RNLS: variants seen among roughly 807,000 people sequenced by gnomAD.
RNLS encodes the protein renalase, FAD dependent amine oxidase, also known as renalase.
RNLS carries 39 observed loss-of-function variants against 39.8 expected under a neutral mutation model. That is an observed-to-expected ratio of 0.98 (90% CI 0.76 to 1.28). The LOEUF (loss-of-function observed/expected upper bound fraction) is 1.28. Among genes scored for constraint, RNLS ranks in the 50% most tolerant of loss-of-function variants. The pLI is 0.00. For synonymous variants in RNLS, 147 were observed against 150.7 expected (o/e 0.98, Z 0.18); for missense variants, 410 against 413.3 (o/e 0.99, Z 0.07).
chr10:88,528,463 G>A (rs1173802067), intron 4 of RNLS, among the ~76,000 whole-genome samples: 1 of 152,148 alleles, frequency 6.6e-6, no homozygotes, highest in Non-Finnish European at 1.5e-5. Context: ...ACAACATAGG[G>A]AAGAGGTGAT....
chr10:88,375,575 G>GAAACA (rs1564744488), intron 4 of RNLS, among the ~76,000 whole-genome samples: 1 of 152,126 alleles, frequency 6.6e-6, no homozygotes, highest in Non-Finnish European at 1.5e-5. Flanking sequence ...TTCCTAATTG[G>GAAACA]AAACAATCAG....
chr10:88,529,939 T>C (rs1847319766), intron 4 of RNLS, among the ~76,000 whole-genome samples: 1 of 152,230 alleles, frequency 6.6e-6, no homozygotes, highest in African/African-American at 2.4e-5. Context: ...GTTTTTCCAA[T>C]ACTTTTACTA....
At chr10:88,240,306 ACT>A in the RNLS span, among the ~76,000 whole-genome samples, 1 of 151,868 alleles carries the variant, frequency 6.6e-6, no homozygotes, top group Admixed American at 6.6e-5. Context: ...TCAAGTAGTG[ACT>A]CTGCCTGGCG....
At chr10:88,385,697 G>A (rs1416569808) in intron 4 of RNLS, among the ~76,000 whole-genome samples, 2 of 152,186 alleles carry the variant, frequency 1.3e-5, no homozygotes, top group South Asian at 2.1e-4. Context: ...TGGGAAAACC[G>A]TGGCAGCCTG....
the RNLS span, among the ~76,000 whole-genome samples, chr10:88,186,993 C>A: frequency 6.6e-5 from 10 of 151,222 alleles, no homozygotes; most frequent in Non-Finnish European, 1.5e-4. Context: ...AAGAACAAAA[C>A]CCTGTTACAA....
At chr10:88,173,856 G>T in the RNLS span, among the ~76,000 whole-genome samples, 6 of 152,034 alleles carry the variant, frequency 3.9e-5, no homozygotes, top group Admixed American at 6.6e-5. Flanking sequence ...ACATGAATAA[G>T]TTCCTTAGTG....
chr10:88,432,587 T>G (rs952513007), intron 4 of RNLS, among the ~76,000 whole-genome samples: 1 of 152,014 alleles, frequency 6.6e-6, no homozygotes, highest in Non-Finnish European at 1.5e-5. Context: ...CAAGTATTTT[T>G]TATGACTCCT....
intron 4 of RNLS, among the ~76,000 whole-genome samples, chr10:88,558,257 C>CA (rs774149414): frequency 4.8e-4 from 73 of 152,246 alleles, no homozygotes; most frequent in Non-Finnish European, 9.0e-4. Context: ...TTGGTTCTAC[C>CA]ACTCAACAGC....
rs78325858 is a variant in RNLS, at chr10:88,422,642, G to A, written c.527-59917C>T. ...TTTCGTGATTTGGCCCTCCTCAAGT[G>A]ACAAGTTTGATAGAAATCCCATAAA... On this transcript the variant is annotated intron_variant, in intron 4 of 6. Coordinates refer to ENST00000331772, the MANE Select transcript of RNLS (RefSeq NM_001031709.3). 6.4e-3 allele frequency among the ~76,000 whole-genome samples: 979 copies of A among 152,186 alleles called. 5 individuals are homozygous for A. Among genetic ancestry groups the A allele is most frequent in the African/African-American group, 0.023 (937 of 41,510 alleles).
At chr10:88,181,574 C>T in the RNLS span, among the ~76,000 whole-genome samples, 1 of 152,136 alleles carries the variant, frequency 6.6e-6, no homozygotes, top group Non-Finnish European at 1.5e-5. Flanking sequence ...ATAAGACTGC[C>T]ATGAACATCG....
chr10:88,523,169 C>T (rs573294032), intron 4 of RNLS, among the ~76,000 whole-genome samples: 8 of 152,222 alleles, frequency 5.3e-5, no homozygotes, highest in Non-Finnish European at 8.8e-5. Context: ...AAGAAACTTT[C>T]AGAAGAGTCA....
intron 4 of RNLS, among the ~76,000 whole-genome samples, chr10:88,455,448 C>T (rs1173602271): frequency 1.3e-5 from 2 of 152,000 alleles, no homozygotes; most frequent in Non-Finnish European, 2.9e-5. Flanking sequence ...GCTCTGTTGC[C>T]CAGGCTGGAG....
the RNLS span, among the ~76,000 whole-genome samples, chr10:88,184,562 C>A: frequency 0.086 from 13,040 of 152,046 alleles, 588 homozygotes; most frequent in Middle Eastern, 0.11. Context: ...TGAATTTAGC[C>A]CTCAAGTTTG....
chr10:88,541,667 A>G (rs1247392951), intron 4 of RNLS, among the ~76,000 whole-genome samples: 2 of 152,200 alleles, frequency 1.3e-5, no homozygotes, highest in Non-Finnish European at 2.9e-5. Flanking sequence ...CTTTAGCTGT[A>G]GAAGACAGTT....
chr10:88,338,677 T>C (rs986038188), intron 5 of RNLS, among the ~76,000 whole-genome samples: 2 of 151,928 alleles, frequency 1.3e-5, no homozygotes, highest in African/African-American at 4.8e-5. Context: ...GGATTCCTAA[T>C]AACTTGAGTT....
At chr10:88,496,911 T>C (rs976213387) in intron 4 of RNLS, among the ~76,000 whole-genome samples, 1 of 151,976 alleles carries the variant, frequency 6.6e-6, no homozygotes, top group Non-Finnish European at 1.5e-5. Context: ...GGTCAAAGAG[T>C]AGGGCATTCT....
chr10:88,442,334 C>A (rs1001017885), intron 4 of RNLS, among the ~76,000 whole-genome samples: 8 of 152,270 alleles, frequency 5.3e-5, no homozygotes, highest in African/African-American at 1.9e-4. Context: ...ATATGAAATA[C>A]CAAATTAAAC....
At chr10:88,301,913 G>C (rs941257355) in intron 6 of RNLS, among the ~76,000 whole-genome samples, 4 of 152,182 alleles carry the variant, frequency 2.6e-5, no homozygotes, top group African/African-American at 9.6e-5. Context: ...ATCAAGAAAA[G>C]AGAGCAACGA....
chr10:88,194,575 A>G, the RNLS span, among the ~76,000 whole-genome samples: 60 of 152,252 alleles, frequency 3.9e-4, no homozygotes, highest in Non-Finnish European at 7.8e-4. Context: ...GAAGTAAGCC[A>G]TAATACAAAT....
Sources: gnomAD v4.1 joint callset for allele counts (sites outside exome capture counted in the v4.1 genomes callset) on GRCh38, gnomAD v4.1.1 for gene constraint, MANE v1.5 for transcripts, NCBI Gene and HGNC (gene_info 2026-07-23, HGNC 2026-07-21) for gene names.